The following LARGE1 variants were observed in gnomAD, a reference collection of about 807,000 sequenced individuals.
LARGE1 encodes LARGE xylosyl- and glucuronyltransferase 1, also known as xylosyl- and glucuronyltransferase LARGE1.
Under a neutral mutation model 87.6 loss-of-function variants are expected in LARGE1, and 43 were observed. That is an observed-to-expected ratio of 0.49 (90% confidence interval 0.38 to 0.63). The LOEUF (loss-of-function observed/expected upper bound fraction) is 0.63. Among genes scored for constraint, LARGE1 ranks in the 30% least tolerant of loss-of-function variants. LARGE1 has a pLI of 0.00. For synonymous variants in LARGE1, 434 were observed against 394.6 expected (o/e 1.10, Z -1.18); for missense variants, 802 against 1,000.2 (o/e 0.80, Z 2.67).
rs2147019119 is a variant in LARGE1, at chr22:33,920,283, T to A, written c.-371A>T. On this transcript the variant is annotated 5_prime_UTR_variant, in exon 1 of 15. It removes an upstream start codon present in the reference 5' UTR. Coordinates refer to ENST00000397394, the MANE Select transcript of LARGE1 (RefSeq NM_133642.5). ...TCTTCCGAGCCAGGGGCGCCCCGCA[T>A]GGGCAGGGGCCTGGGTCAGCCTCGG... 6.6e-6 allele frequency: 1 copy of A among 152,652 alleles called. No individual in the cohort carries two copies. The highest frequency in any genetic ancestry group is 1.9e-4 in the East Asian group (1 of 5,134). The allele number at this position is 152,652 out of a possible 1,614,324, so 9.5% of individuals were successfully genotyped here. A position where few individuals can be genotyped will look rare whatever the true frequency, so the allele number is the denominator to read the frequency against.
At chr22:33,664,754 C>T (rs915608203) in intron 2 of LARGE1, among the ~76,000 whole-genome samples, 4 of 152,174 alleles carry the variant, frequency 2.6e-5, no homozygotes, top group Non-Finnish European at 5.9e-5. Context: ...GTCTCAGCTA[C>T]TCGGGAGGCT....
intron 2 of LARGE1, chr22:33,732,286 G>C (rs2083497756): frequency 6.6e-6 from 1 of 152,126 alleles, no homozygotes; most frequent in Non-Finnish European, 1.5e-5. Flanking sequence ...GGCGGGGCTG[G>C]GGAATCCCTG....
chr22:33,107,869 T>C, the LARGE1 span, among the ~76,000 whole-genome samples: 1 of 152,112 alleles, frequency 6.6e-6, no homozygotes, highest in East Asian at 1.9e-4. Flanking sequence ...AATAAATAAA[T>C]ATTTTTAAAG....
At chr22:33,691,537 T>C (rs573403560) in intron 2 of LARGE1, among the ~76,000 whole-genome samples, 48 of 152,216 alleles carry the variant, frequency 3.2e-4, no homozygotes, top group African/African-American at 1.1e-3. Flanking sequence ...TGGCTCCTCA[T>C]GGGGCAGGAA....
intron 6 of LARGE1, among the ~76,000 whole-genome samples, chr22:33,509,170 G>C (rs183839264): frequency 1.3e-5 from 2 of 152,148 alleles, no homozygotes; most frequent in Admixed American, 6.5e-5. Flanking sequence ...CACCCCTAGG[G>C]TTACTGATTT....
intron 1 of LARGE1, among the ~76,000 whole-genome samples, chr22:33,878,125 A>AT (rs1601836110): frequency 2.0e-5 from 1 of 51,254 alleles, no homozygotes; most frequent in African/African-American, 7.1e-5. Context: ...TTTATATTGT[A>AT]TTTCTTTTTT....
At chr22:33,504,027 C>T (rs1176428444) in intron 6 of LARGE1, among the ~76,000 whole-genome samples, 1 of 152,004 alleles carries the variant, frequency 6.6e-6, no homozygotes, top group Non-Finnish European at 1.5e-5. Flanking sequence ...AGAAAAAGGC[C>T]ACATGTTGTA....
intron 1 of LARGE1, among the ~76,000 whole-genome samples, chr22:33,865,777 T>G (rs1056413683): frequency 4.0e-5 from 6 of 148,778 alleles, no homozygotes; most frequent in Admixed American, 6.8e-5. Context: ...ATTTTAAATG[T>G]AAAACATTTA....
Position 33,176,911 on chromosome 22 carries a change from C to T in LARGE1, c.1731-10079G>A, listed in dbSNP as rs538482980. ...AGCAAAAACTTGGAACTAACCCTAA[C>T]GTCCATTAGTGATAGACTGGATAAA... On this transcript the variant is annotated intron_variant, in intron 11 of 11. Transcript: ENST00000608642. Among the ~76,000 whole-genome samples the T allele has an allele frequency of 5.3e-5, 8 of 152,190 alleles. No individual in the cohort carries two copies. In the East Asian group the frequency reaches 5.8e-4, roughly 11 times the overall value.
the LARGE1 span, among the ~76,000 whole-genome samples, chr22:33,097,165 A>C: frequency 6.6e-6 from 1 of 152,200 alleles, no homozygotes; most frequent in Admixed American, 6.5e-5. Context: ...CCCACGGAGG[A>C]AACACAGCAC....
At chr22:33,791,332 C>T (rs1312381249) in intron 1 of LARGE1, among the ~76,000 whole-genome samples, 1 of 152,176 alleles carries the variant, frequency 6.6e-6, no homozygotes, top group African/African-American at 2.4e-5. Context: ...AAAGCATGAT[C>T]CTTTGGGGCC....
rs770603458 is a variant in LARGE1 at position 33,384,247 on chromosome 22, C to T, written c.950G>A (p.Arg317Lys). The change falls in exon 8 of 15, where the codon AGG (arginine) becomes AAG (lysine). Residue 317 changes from arginine to lysine, a missense_variant. Arg to Lys is a conservative substitution (Grantham distance 26). Transcript: ENST00000397394. Reference protein sequence around the residue: ...LRKMKWEQMWRLTAERELMGM... With the variant: ...LRKMKWEQMWKLTAERELMGM... ...CATGAGCTCCCTCTCTGCGGTCAGC[C>T]TCCACATCTGCTCCCATTTCATCTT... The T allele has an allele frequency of 2.5e-5, 41 of 1,614,170 alleles. 1 individual carries two copies. In the South Asian group the frequency reaches 4.5e-4, roughly 18 times the overall value.
chr22:33,719,336 A>AT (rs1410153652), intron 2 of LARGE1, among the ~76,000 whole-genome samples: 1 of 152,166 alleles, frequency 6.6e-6, no homozygotes, highest in African/African-American at 2.4e-5. Flanking sequence ...TTAGTGTAGC[A>AT]TAAGTGCGCA....
intron 1 of LARGE1, among the ~76,000 whole-genome samples, chr22:33,775,400 A>G (rs898318615): frequency 6.6e-6 from 1 of 152,168 alleles, no homozygotes; most frequent in Non-Finnish European, 1.5e-5. Flanking sequence ...GCGGCCTCAC[A>G]CTTCTCTGCC....
intron 2 of LARGE1, among the ~76,000 whole-genome samples, chr22:33,676,023 T>C (rs2283929): frequency 0.4 from 60,617 of 151,334 alleles, 12,879 homozygotes; most frequent in Admixed American, 0.54. Flanking sequence ...TTTAAGTACT[T>C]ATTTAAATTC....
intron 5 of LARGE1, among the ~76,000 whole-genome samples, chr22:33,590,819 T>C (rs562814028): frequency 1.1e-4 from 16 of 152,320 alleles, no homozygotes; most frequent in Non-Finnish European, 7.3e-5. Context: ...CACATACAAG[T>C]TTTCCAGTGG....
At chr22:33,883,647 G>A (rs1415395312) in intron 1 of LARGE1, among the ~76,000 whole-genome samples, 1 of 152,206 alleles carries the variant, frequency 6.6e-6, no homozygotes, top group Admixed American at 6.5e-5. Context: ...CCAGGCACAC[G>A]ACCCCTCTGT....
At chr22:33,108,268 G>T in the LARGE1 span, among the ~76,000 whole-genome samples, 1 of 152,120 alleles carries the variant, frequency 6.6e-6, no homozygotes, top group African/African-American at 2.4e-5. Context: ...TGCCAGCTTT[G>T]TATCAAGCAC....
the LARGE1 span, among the ~76,000 whole-genome samples, chr22:33,126,123 T>C: frequency 6.6e-6 from 1 of 152,176 alleles, no homozygotes; most frequent in Admixed American, 6.5e-5. Flanking sequence ...ACACAATATA[T>C]GAAGAGCTGT....
Sources: allele counts gnomAD v4.1 joint callset (sites outside exome capture counted in the v4.1 genomes callset), GRCh38; gene constraint gnomAD v4.1.1; transcripts MANE v1.5; gene names NCBI Gene and HGNC (gene_info 2026-07-23, HGNC 2026-07-21).